ZNRF2: variants seen among roughly 807,000 people sequenced by gnomAD.
ZNRF2 encodes the protein zinc and ring finger 2.
In ZNRF2, 16 loss-of-function variants were observed where a neutral mutation model predicts 20.4. That is an observed-to-expected ratio of 0.79 (90% CI 0.53 to 1.19). The LOEUF is 1.19. Ranked by LOEUF, ZNRF2 falls within the 50% of genes most tolerant of loss-of-function variation. ZNRF2 has a pLI of 0.00. For missense variants in ZNRF2, 363 were observed against 332.4 expected, an observed-to-expected ratio of 1.09 and a Z score of -0.72; for synonymous variants, 178 against 144.9, an observed-to-expected ratio of 1.23 and a Z score of -1.64.
chr7:30,343,339 AT>A (rs1799825897), intron 2 of ZNRF2, among the ~76,000 whole-genome samples: 2 of 152,088 alleles, frequency 1.3e-5, no homozygotes, highest in South Asian at 2.1e-4. Context: ...CATAGATAAA[AT>A]TTAATGCTAC....
At chr7:30,298,708 T>G (rs920182519) in intron 1 of ZNRF2, among the ~76,000 whole-genome samples, 1 of 152,178 alleles carries the variant, frequency 6.6e-6, no homozygotes, top group Non-Finnish European at 1.5e-5. Flanking sequence ...AATAACAAGC[T>G]TGTAGTAGAG....
At chr7:30,291,065 AG>A (rs1381932955) in intron 1 of ZNRF2, among the ~76,000 whole-genome samples, 1 of 152,202 alleles carries the variant, frequency 6.6e-6, no homozygotes, top group Non-Finnish European at 1.5e-5. Flanking sequence ...TTCACAGAGG[AG>A]GGTACGTTTG....
intron 2 of ZNRF2, among the ~76,000 whole-genome samples, chr7:30,355,030 T>C (rs938621607): frequency 1.3e-5 from 2 of 152,156 alleles, no homozygotes; most frequent in Non-Finnish European, 2.9e-5. Context: ...CCTTGAAGAT[T>C]TTAAGCACAC....
intron 2 of ZNRF2, among the ~76,000 whole-genome samples, chr7:30,354,852 A>G (rs1397518612): frequency 6.6e-6 from 1 of 152,182 alleles, no homozygotes; most frequent in African/African-American, 2.4e-5. Flanking sequence ...TCTGCATTTA[A>G]AAAACAGTCA....
intron 1 of ZNRF2, among the ~76,000 whole-genome samples, chr7:30,307,602 GTGT>G (rs1202175365): frequency 6.6e-6 from 1 of 151,752 alleles, no homozygotes; most frequent in African/African-American, 2.4e-5. Context: ...ATCAAATTCT[GTGT>G]TGTTATTTCT....
chr7:30,343,110 C>A (rs1227582693), intron 2 of ZNRF2, among the ~76,000 whole-genome samples: 1 of 151,968 alleles, frequency 6.6e-6, no homozygotes, highest in Non-Finnish European at 1.5e-5. Context: ...GAGTTCAAGA[C>A]CCGACCAGCC....
At chr7:30,364,082 T>C (rs1800173545) in intron 4 of ZNRF2, among the ~76,000 whole-genome samples, 1 of 152,228 alleles carries the variant, frequency 6.6e-6, no homozygotes, top group Admixed American at 6.5e-5. Flanking sequence ...TTTATTTCAA[T>C]AACTTCTCTT....
chr7:30,309,498 A>G (rs1447798438), intron 1 of ZNRF2, among the ~76,000 whole-genome samples: 1 of 152,212 alleles, frequency 6.6e-6, no homozygotes, highest in Non-Finnish European at 1.5e-5. Flanking sequence ...ACCCAGACAT[A>G]CAAACTTTCA....
In ZNRF2 at chr7:30,310,259, A is replaced by C. The variant is rs78568802; in HGVS notation, c.470-13383A>C. On this transcript the variant is annotated intron_variant, in intron 1 of 4. Coordinates refer to ENST00000323037, the MANE Select transcript of ZNRF2 (RefSeq NM_147128.4). ...CATTATTCCTTAGCCCTTTGGTTAG[A>C]CTAAACTTTTTAATGCAACTTACTG... Among the ~76,000 whole-genome samples, 981 of 152,296 alleles carry C rather than the reference A, an allele frequency of 6.4e-3. 14 individuals are homozygous for C. The highest frequency in any genetic ancestry group is 0.022 in the African/African-American group (908 of 41,562).
intron 1 of ZNRF2, among the ~76,000 whole-genome samples, chr7:30,302,804 A>G (rs1163304394): frequency 6.6e-6 from 1 of 152,100 alleles, no homozygotes; most frequent in African/African-American, 2.4e-5. Flanking sequence ...TCAGAGCTCA[A>G]ATTCATACTC....
chr7:30,295,050 A>AGAGAGAGAGGGTGTGTGT (rs1412764480), intron 1 of ZNRF2, among the ~76,000 whole-genome samples: 1 of 38,238 alleles, frequency 2.6e-5, no homozygotes, highest in Non-Finnish European at 4.8e-5. Flanking sequence ...AGAGAGAGAG[A>AGAGAGAGAGGGTGTGTGT]GTGTGTGTGT....
In ZNRF2 at chr7:30,285,387, C is replaced by A. The variant is rs1289399991; in HGVS notation, c.30C>A (p.Ala10=). The A allele has an allele frequency of 8.9e-6, 11 of 1,242,876 alleles. No individual in the cohort carries two copies. The highest frequency in any genetic ancestry group is 1.1e-5 in the Non-Finnish European group (11 of 976,506). The allele number at this position is 1,242,876 out of a possible 1,614,324, so 77.0% of individuals were successfully genotyped here. A position where few individuals can be genotyped will look rare whatever the true frequency, so the allele number is the denominator to read the frequency against. The change falls in exon 1 of 5, where the codon GCC becomes GCA. Residue 10 remains alanine, a synonymous_variant. Coordinates refer to ENST00000323037, the MANE Select transcript of ZNRF2 (RefSeq NM_147128.4). Reference sequence around the variant, plus strand: ...GCGCCAAACAGAGCGGCCCGGCCGCCGCTAACGGCCGCACGCGCGCGTACT... The same window carrying A: ...GCGCCAAACAGAGCGGCCCGGCCGCAGCTAACGGCCGCACGCGCGCGTACT... MGAKQSGPA[A]ANGRTRAYSG...
intron 2 of ZNRF2, among the ~76,000 whole-genome samples, chr7:30,327,691 T>C (rs1000637718): frequency 5.9e-5 from 9 of 151,980 alleles, no homozygotes; most frequent in African/African-American, 2.2e-4. Context: ...AATAAAAATA[T>C]ATATATTTTT....
chr7:30,293,072 A>G (rs1798940097), intron 1 of ZNRF2, among the ~76,000 whole-genome samples: 1 of 152,144 alleles, frequency 6.6e-6, no homozygotes, highest in Non-Finnish European at 1.5e-5. Context: ...CAGTGGCCAG[A>G]TTCTGCATAT....
At chr7:30,363,983 C>T (rs1261147093) in intron 4 of ZNRF2, among the ~76,000 whole-genome samples, 1 of 152,176 alleles carries the variant, frequency 6.6e-6, no homozygotes. Context: ...AAGACAGTAA[C>T]AGCCGGCTTT....
chr7:30,345,459 A>T (rs1384804249), intron 2 of ZNRF2, among the ~76,000 whole-genome samples: 2 of 151,780 alleles, frequency 1.3e-5, no homozygotes, highest in Non-Finnish European at 2.9e-5. Flanking sequence ...TAGATAGTGG[A>T]TATATAGTGT....
Position 30,285,562 on chromosome 7 carries a change from G to GCGGCGGCCCCGGCAGCCC in ZNRF2, c.217_234dup (p.Ala73_Pro78dup), listed in dbSNP as rs1181828470. The GCGGCGGCCCCGGCAGCCC allele has an allele frequency of 2.9e-4, 285 of 974,332 alleles. 2 individuals carry two copies. The highest frequency in any genetic ancestry group is 1.9e-4 in the Admixed American group (3 of 15,580). 60.4% of individuals were successfully genotyped at this position (974,332 alleles called of 1,614,324 possible). A position where few individuals can be genotyped will look rare whatever the true frequency, so the allele number is the denominator to read the frequency against. On this transcript the variant is annotated inframe_insertion, in exon 1 of 5. Transcript: ENST00000323037. ...CGCCTCCGGCGGCGCCGCGGCGGCC[G>GCGGCGGCCCCGGCAGCCC]CGGCGGCCCCGGCAGCCCCGGCGGC...
chr7:30,295,050 A>AGAGAGAGAGAGAGAGAGTGT (rs1412764480), intron 1 of ZNRF2, among the ~76,000 whole-genome samples: 2 of 38,282 alleles, frequency 5.2e-5, no homozygotes, highest in African/African-American at 2.5e-4. Context: ...AGAGAGAGAG[A>AGAGAGAGAGAGAGAGAGTGT]GTGTGTGTGT....
intron 3 of ZNRF2, among the ~76,000 whole-genome samples, chr7:30,361,360 G>A (rs542813095): frequency 1.3e-5 from 2 of 152,098 alleles, no homozygotes; most frequent in Admixed American, 6.5e-5. Flanking sequence ...TTTCTTTTTA[G>A]TTTCATCTTA....
Sources: gnomAD v4.1 joint callset for allele counts (sites outside exome capture counted in the v4.1 genomes callset) on GRCh38, gnomAD v4.1.1 for gene constraint, MANE v1.5 for transcripts, NCBI Gene and HGNC (gene_info 2026-07-23, HGNC 2026-07-21) for gene names.